The following MORC2 variants were observed in gnomAD, a reference collection of about 807,000 sequenced individuals.
The protein encoded by MORC2 is ATPase MORC2.
In MORC2, 30 loss-of-function variants were observed where a neutral mutation model predicts 136.0. That is an observed-to-expected ratio of 0.22 (90% CI 0.17 to 0.30). The LOEUF (loss-of-function observed/expected upper bound fraction) is 0.30. Among genes scored for constraint, MORC2 ranks in the 10% least tolerant of loss-of-function variants. MORC2 has a pLI of 1.00. For synonymous variants in MORC2, 439 were observed against 487.0 expected, an observed-to-expected ratio of 0.90 and a Z score of 1.30; for missense variants, 922 against 1,333.1, an observed-to-expected ratio of 0.69 and a Z score of 4.80.
intron 24 of MORC2, among the ~76,000 whole-genome samples, chr22:30,929,568 GA>G (rs2040541340): frequency 6.6e-6 from 1 of 151,984 alleles, no homozygotes; most frequent in South Asian, 2.1e-4. Context: ...CTAACACGGT[GA>G]AACCCCATCT....
At chr22:30,946,666 T>C (rs2040820365) in intron 5 of MORC2, among the ~76,000 whole-genome samples, 1 of 151,622 alleles carries the variant, frequency 6.6e-6, no homozygotes, top group African/African-American at 2.4e-5. Flanking sequence ...TGTAACTCCT[T>C]AGTCTTTACT....
chr22:30,967,760 T>A (rs530682096), intron 1 of MORC2, 62 bp downstream of exon 1: 3 of 1,545,056 alleles, frequency 1.9e-6, no homozygotes, highest in Admixed American at 4.0e-5. Context: ...GGGGAAACGA[T>A]TTCCATATAA....
chr22:30,934,198 C>T lies in MORC2; in HGVS notation c.2194-7G>A, dbSNP rs1299926814. On this transcript the variant is annotated splice_polypyrimidine_tract_variant and splice_region_variant and intron_variant, in intron 19 of 25. Coordinates refer to ENST00000397641, the MANE Select transcript of MORC2 (RefSeq NM_001303256.3). The surrounding 1 kb of genome is among the most constrained non-coding windows in gnomAD (Gnocchi z 4.4). ...GCTTCCGACTAGGGGTAGCCTAGAGCAAGAGGAGCGTGAGGATGTGAGGGG... is the reference window on the plus strand; with the variant it reads ...GCTTCCGACTAGGGGTAGCCTAGAGTAAGAGGAGCGTGAGGATGTGAGGGG... The T allele has an allele frequency of 2.5e-6, 4 of 1,613,952 alleles. No homozygotes were observed. The highest frequency in any genetic ancestry group is 1.7e-6 in the Non-Finnish European group (2 of 1,179,982).
intron 1 of MORC2, among the ~76,000 whole-genome samples, chr22:30,960,304 G>A (rs908328776): frequency 6.6e-6 from 1 of 152,084 alleles, no homozygotes; most frequent in Non-Finnish European, 1.5e-5. Context: ...TCACTTGGTG[G>A]AATTATAGGA....
At chr22:30,936,842 G>GATGT in intron 16 of MORC2, 90 bp downstream of exon 16, 14 of 1,351,220 alleles carry the variant, frequency 1.0e-5, no homozygotes, top group Non-Finnish European at 1.5e-5. Flanking sequence ...GCAAGACAGA[G>GATGT]ATGTAAGGTA....
intron 4 of MORC2, among the ~76,000 whole-genome samples, 168 bp downstream of exon 4, chr22:30,950,209 A>G (rs538608046): frequency 5.3e-5 from 8 of 152,304 alleles, no homozygotes; most frequent in Non-Finnish European, 1.2e-4. Flanking sequence ...TGGCAAATAC[A>G]TTAGTAGAAT....
intron 1 of MORC2, among the ~76,000 whole-genome samples, chr22:30,966,277 A>G (rs1373262399): frequency 6.6e-6 from 1 of 152,200 alleles, no homozygotes; most frequent in Non-Finnish European, 1.5e-5. Context: ...CAGAGCTGAG[A>G]TAACCATTTA....
chr22:30,945,988 T>C (rs1379960059), intron 6 of MORC2, among the ~76,000 whole-genome samples: 2 of 152,096 alleles, frequency 1.3e-5, no homozygotes, highest in Admixed American at 1.3e-4. Flanking sequence ...AAGCCCAAAA[T>C]ACTCCCCCTG....
At chr22:30,957,458 T>C (rs1337064427) in intron 2 of MORC2, among the ~76,000 whole-genome samples, 1 of 152,188 alleles carries the variant, frequency 6.6e-6, no homozygotes, top group Non-Finnish European at 1.5e-5. Flanking sequence ...GCAAAGAAAA[T>C]GAAACCGTTT....
intron 1 of MORC2, among the ~76,000 whole-genome samples, chr22:30,962,765 G>A (rs902361535): frequency 6.6e-6 from 1 of 152,128 alleles, no homozygotes; most frequent in African/African-American, 2.4e-5. Context: ...ACCACTGTTG[G>A]TAAAGTCAGA....
At chr22:30,930,967 A>C (rs1405881698) in intron 24 of MORC2, among the ~76,000 whole-genome samples, 1 of 152,138 alleles carries the variant, frequency 6.6e-6, no homozygotes, top group African/African-American at 2.4e-5. Context: ...CTCCTAGTTA[A>C]TAGCTTTGTC....
chr22:30,937,472 G>C lies in MORC2; in HGVS notation c.1498+111C>G. ...CGTCAAACAGACTTGGATCCCTAGG[G>C]GACTGTAAGTCCATGAATGTCAGTC... is the stretch of plus-strand genomic sequence containing the variant. On this transcript the variant is annotated intron_variant, in intron 15 of 25. Coordinates refer to ENST00000397641, the MANE Select transcript of MORC2 (RefSeq NM_001303256.3). This position sits in a 1 kb window ranked among gnomAD's most constrained non-coding sequence, Gnocchi z 4.7. 1 of 1,480,324 alleles carries C rather than the reference G, an allele frequency of 6.8e-7. No homozygotes were observed. Among genetic ancestry groups the C allele is most frequent in the Non-Finnish European group, 9.1e-7 (1 of 1,098,622 alleles). The allele number at this position is 1,480,324 out of a possible 1,614,324, so 91.7% of individuals were successfully genotyped here.
intron 3 of MORC2, among the ~76,000 whole-genome samples, chr22:30,953,355 A>G (rs2040919211): frequency 6.6e-6 from 1 of 152,242 alleles, no homozygotes; most frequent in Non-Finnish European, 1.5e-5. Flanking sequence ...TCCTGGGAAC[A>G]GCTCTGTAAG....
rs760495709 is a variant in MORC2, at chr22:30,942,274, G to A, written c.427-3C>T. On this transcript the variant is annotated splice_polypyrimidine_tract_variant and splice_region_variant and intron_variant, in intron 6 of 25. Coordinates refer to ENST00000397641, the MANE Select transcript of MORC2 (RefSeq NM_001303256.3). ...CAGGTGGGCAGTGGGACTATCACCT[G>A]TGGAGTAAACATGAGCAGGCACTTT... 4 of 1,607,088 alleles carry A rather than the reference G, an allele frequency of 2.5e-6. No individual in the cohort carries two copies. The highest frequency in any genetic ancestry group is 2.5e-6 in the Non-Finnish European group (3 of 1,178,440).
chr22:30,933,135 C>T, intron 21 of MORC2, 105 bp from the exon 22 acceptor site: 1 of 1,490,642 alleles, frequency 6.7e-7, no homozygotes, highest in South Asian at 1.2e-5. Flanking sequence ...AGGACAGGAA[C>T]ACTTAGGTGC....
intron 1 of MORC2, among the ~76,000 whole-genome samples, chr22:30,961,334 G>A (rs890507032): frequency 3.9e-5 from 6 of 152,116 alleles, no homozygotes; most frequent in Non-Finnish European, 8.8e-5. Context: ...CCACTAACTA[G>A]GGAGAAATAA....
intron 1 of MORC2, among the ~76,000 whole-genome samples, chr22:30,959,170 T>C (rs148203471): frequency 2.2e-4 from 33 of 152,348 alleles, no homozygotes; most frequent in African/African-American, 6.5e-4. Flanking sequence ...GACTGGAGTA[T>C]AGTAAGTTTT....
At chr22:30,935,390 G>A in intron 17 of MORC2, 68 bp from the exon 18 acceptor site, 1 of 1,487,966 alleles carries the variant, frequency 6.7e-7, no homozygotes, top group Non-Finnish European at 9.3e-7. Context: ...TTTTTGGATA[G>A]TGTCTGGAAC....
intron 1 of MORC2, chr22:30,966,980 C>A (rs185296280): frequency 1.2e-5 from 6 of 519,314 alleles, no homozygotes; most frequent in Non-Finnish European, 9.9e-6. Context: ...TCTATACTCT[C>A]GACTCTGAAG....
Sources: allele counts gnomAD v4.1 joint callset (sites outside exome capture counted in the v4.1 genomes callset), GRCh38; gene constraint gnomAD v4.1.1; non-coding constraint Gnocchi (gnomAD v3.1); transcripts MANE v1.5; gene names NCBI Gene and HGNC (gene_info 2026-07-23, HGNC 2026-07-21).